Variants in BARD1 observed in about 807,000 individuals in gnomAD.
BARD1 encodes the protein BRCA1 associated RING domain 1, also known as BRCA1-associated RING domain protein 1.
In BARD1, 73 loss-of-function variants were observed where a neutral mutation model predicts 77.0. That is an observed-to-expected ratio of 0.95 (90% CI 0.79 to 1.15). The LOEUF is 1.15. Ranked by LOEUF, BARD1 falls within the 50% of genes most tolerant of loss-of-function variation. The pLI, the probability that BARD1 is intolerant of heterozygous loss-of-function variation, is 0.00. For missense variants in BARD1, 993 were observed against 938.8 expected, an observed-to-expected ratio of 1.06 and a Z score of -0.75; for synonymous variants, 384 against 338.0, an observed-to-expected ratio of 1.14 and a Z score of -1.49.
In BARD1 at chr2:214,728,589, T is replaced by C; in HGVS notation, c.*87A>G. On this transcript the variant is annotated 3_prime_UTR_variant, in exon 11 of 11. Coordinates refer to ENST00000260947, the MANE Select transcript of BARD1 (RefSeq NM_000465.4). ...AAATATGAATGACTCTACCTATTTG[T>C]AAAAATGTGAACATTAAAAACAGTA... 7.4e-7 allele frequency: 1 copy of C among 1,348,796 alleles called. No individual in the cohort carries two copies. Among genetic ancestry groups the C allele is most frequent in the Non-Finnish European group, 1.0e-6 (1 of 968,920 alleles). The allele number at this position is 1,348,796 out of a possible 1,614,324, so 83.6% of individuals were successfully genotyped here. A position where few individuals can be genotyped will look rare whatever the true frequency, so the allele number is the denominator to read the frequency against.
intron 3 of BARD1, among the ~76,000 whole-genome samples, chr2:214,785,071 TTCTTCCCTCTACC>T (rs71399149): frequency 0.53 from 80,125 of 151,122 alleles, 22,213 homozygotes; most frequent in Non-Finnish European, 0.61. Context: ...TAGAAGCCTT[TTCTTCCCTCTACC>T]TCTTCCCCTT....
chr2:214,772,173 T>TGC (rs1226505532), intron 4 of BARD1, among the ~76,000 whole-genome samples: 1 of 152,102 alleles, frequency 6.6e-6, no homozygotes, highest in Non-Finnish European at 1.5e-5. Context: ...CTCACTATGT[T>TGC]GCCCAAACTA....
intron 4 of BARD1, among the ~76,000 whole-genome samples, chr2:214,777,390 TG>T (rs1451430933): frequency 1.2e-4 from 18 of 152,146 alleles, no homozygotes; most frequent in Admixed American, 1.2e-3. Flanking sequence ...CTACCTGCAG[TG>T]GGGGAAGGTA....
rs77744999 is a variant in BARD1 at position 214,728,247 on chromosome 2, G to T, written c.*429C>A. 8.1e-3 allele frequency: 1,525 copies of T among 188,354 alleles called. 6 individuals carry two copies. The highest frequency in any genetic ancestry group is 0.013 in the Non-Finnish European group (1,262 of 100,164). 11.7% of individuals were successfully genotyped at this position (188,354 alleles called of 1,614,324 possible). A position where few individuals can be genotyped will look rare whatever the true frequency, so the allele number is the denominator to read the frequency against. ...GACCAAATACTCTTTTTTCAATAAA[G>T]CCAAAATAAATTGTTTGATAATATT... On this transcript the variant is annotated 3_prime_UTR_variant, in exon 11 of 11. Transcript: ENST00000260947.
chr2:214,758,560 T>C (rs1693808083), intron 6 of BARD1, among the ~76,000 whole-genome samples: 1 of 152,226 alleles, frequency 6.6e-6, no homozygotes, highest in Non-Finnish European at 1.5e-5. Context: ...TATAGAATTA[T>C]GTCTTCTTAA....
At chr2:214,803,127 T>C (rs1696100897) in intron 1 of BARD1, among the ~76,000 whole-genome samples, 1 of 152,056 alleles carries the variant, frequency 6.6e-6, no homozygotes, top group African/African-American at 2.4e-5. Flanking sequence ...TGAAGGCAGC[T>C]TGCTCCTTAA....
At chr2:214,789,595 T>C (rs932290792) in intron 3 of BARD1, among the ~76,000 whole-genome samples, 1 of 152,086 alleles carries the variant, frequency 6.6e-6, no homozygotes, top group South Asian at 2.1e-4. Context: ...CTCTAGCATA[T>C]AAATTAGCAC....
At position 214,781,184 on chromosome 2, in the gene BARD1, G is replaced by C. The variant is rs587780034; in HGVS notation, c.690C>G (p.Asp230Glu). Reference protein sequence around the residue: ...LEAEKEDGEFDSKEESKQKLV... With the variant: ...LEAEKEDGEFESKEESKQKLV... ...GCTTTTGCTTAGATTCCTCTTTGGA[G>C]TCAAATTCACCATCTTCTTTTTCTG... The change falls in exon 4 of 11, where the codon GAC (aspartate) becomes GAG (glutamate). Residue 230 changes from aspartate (D) to glutamate (E), a missense_variant. Asp to Glu is a conservative substitution (Grantham distance 45). Transcript: ENST00000260947. 1.1e-5 allele frequency: 17 copies of C among 1,587,658 alleles called. 1 individual carries two copies. Among genetic ancestry groups the C allele is most frequent in the Non-Finnish European group, 1.2e-5 (14 of 1,172,944 alleles).
chr2:214,788,922 A>T (rs1695396668), intron 3 of BARD1, among the ~76,000 whole-genome samples: 1 of 152,102 alleles, frequency 6.6e-6, no homozygotes, highest in Non-Finnish European at 1.5e-5. Flanking sequence ...ATAAAGAAAC[A>T]AAGGGAAATG....
chr2:214,781,013 C>T lies in BARD1; in HGVS notation c.861G>A (p.Glu287=). 1 of 1,612,756 alleles carries T rather than the reference C, an allele frequency of 6.2e-7. No homozygotes were observed. The highest frequency in any genetic ancestry group is 2.2e-5 in the East Asian group (1 of 44,848). ...CATTCCTGCTCTTAGTGTCTGGAGA[C>T]TCTATTTGCTCAGCCAATGGTAAAG... ...EVSLPLAEQI[E]SPDTKSRNEV... Residue 287 remains glutamate (E), a synonymous_variant, in exon 4 of 11, where the codon GAG becomes GAA. Coordinates refer to ENST00000260947, the MANE Select transcript of BARD1 (RefSeq NM_000465.4).
intron 1 of BARD1, among the ~76,000 whole-genome samples, chr2:214,805,844 C>T (rs1033305656): frequency 1.3e-5 from 2 of 152,100 alleles, no homozygotes; most frequent in Non-Finnish European, 2.9e-5. Flanking sequence ...AAAAGGCCCA[C>T]GTTACAATTG....
At chr2:214,793,355 G>C (rs775650784) in intron 2 of BARD1, among the ~76,000 whole-genome samples, 1 of 152,164 alleles carries the variant, frequency 6.6e-6, no homozygotes, top group South Asian at 2.1e-4. Flanking sequence ...ATTGTAAAAT[G>C]AATCTGTAAC....
intron 4 of BARD1, among the ~76,000 whole-genome samples, chr2:214,770,471 T>C (rs1694431386): frequency 6.6e-6 from 1 of 152,162 alleles, no homozygotes; most frequent in Admixed American, 6.5e-5. Flanking sequence ...ACTTTAGAAA[T>C]CACAACCTCT....
intron 1 of BARD1, among the ~76,000 whole-genome samples, chr2:214,800,021 T>A (rs565955053): frequency 6.6e-6 from 1 of 152,312 alleles, no homozygotes; most frequent in South Asian, 2.1e-4. Context: ...TTTTCCTACC[T>A]CTCCATGTAG....
chr2:214,750,716 T>A (rs1159285836), intron 7 of BARD1, among the ~76,000 whole-genome samples: 1 of 152,072 alleles, frequency 6.6e-6, no homozygotes, highest in African/African-American at 2.4e-5. Context: ...ACAGGGGAAG[T>A]CCACGGAAAG....
chr2:214,782,046 C>A (rs547729417), intron 3 of BARD1, among the ~76,000 whole-genome samples: 12 of 152,204 alleles, frequency 7.9e-5, no homozygotes, highest in African/African-American at 2.2e-4. Context: ...AGACTTAGAA[C>A]AACCAACATA....
intron 7 of BARD1, among the ~76,000 whole-genome samples, chr2:214,748,004 TAAA>T (rs1455093836): frequency 6.6e-6 from 1 of 152,018 alleles, no homozygotes; most frequent in Non-Finnish European, 1.5e-5. Context: ...ACAAATACCA[TAAA>T]AATAGCTCTA....
chr2:214,762,563 G>A (rs931988712), intron 6 of BARD1, among the ~76,000 whole-genome samples: 12 of 152,054 alleles, frequency 7.9e-5, no homozygotes, highest in Non-Finnish European at 1.2e-4. Context: ...AAAATCTACC[G>A]ACAAGAAGTG....
At chr2:214,805,252 C>T (rs192249363) in intron 1 of BARD1, among the ~76,000 whole-genome samples, 1 of 152,332 alleles carries the variant, frequency 6.6e-6, no homozygotes, top group East Asian at 1.9e-4. Context: ...AGCACTATGT[C>T]GACCTGCACG....
Sources: gnomAD v4.1 joint callset for allele counts (sites outside exome capture counted in the v4.1 genomes callset) on GRCh38, gnomAD v4.1.1 for gene constraint, MANE v1.5 for transcripts, NCBI Gene and HGNC (gene_info 2026-07-23, HGNC 2026-07-21) for gene names.